Variants in KDM4C observed in about 807,000 individuals in gnomAD.
The protein encoded by KDM4C is lysine demethylase 4C.
Under a neutral mutation model 129.3 loss-of-function variants are expected in KDM4C, and 81 were observed. The observed-to-expected ratio is 0.63, with a 90% CI of 0.52 to 0.75. The LOEUF is 0.75. Among genes scored for constraint, KDM4C ranks in the 30% least tolerant of loss-of-function variants. The pLI is 0.00. For synonymous variants in KDM4C, 573 were observed against 456.1 expected (o/e 1.26, Z -3.26); for missense variants, 1,457 against 1,304.0 (o/e 1.12, Z -1.81).
At chr9:6,857,800 A>T (rs1248925463) in intron 5 of KDM4C, among the ~76,000 whole-genome samples, 1 of 146,724 alleles carries the variant, frequency 6.8e-6, no homozygotes, top group African/African-American at 2.5e-5. Context: ...TGTTGCTCAG[A>T]TTGGAGTGCA....
intron 1 of KDM4C, chr9:6,726,923 T>C (rs895383454): frequency 6.6e-6 from 1 of 151,962 alleles, no homozygotes; most frequent in African/African-American, 2.4e-5. Flanking sequence ...TTAGTAGAGA[T>C]AGGATTTCGC....
chr9:6,949,306 A>G (rs1827645759), intron 8 of KDM4C, among the ~76,000 whole-genome samples: 1 of 146,202 alleles, frequency 6.8e-6, no homozygotes, highest in South Asian at 2.2e-4. Flanking sequence ...CCGGGCAGAG[A>G]CGCTCCTCAT....
intron 17 of KDM4C, among the ~76,000 whole-genome samples, chr9:7,096,197 A>G (rs113067450): frequency 0.019 from 2,965 of 152,356 alleles, 102 homozygotes; most frequent in African/African-American, 0.066. Flanking sequence ...TTCAACATAC[A>G]TAACAATTGC....
intron 18 of KDM4C, among the ~76,000 whole-genome samples, chr9:7,106,479 G>A (rs1837699611): frequency 6.6e-6 from 1 of 152,174 alleles, no homozygotes. Flanking sequence ...GAGGATGCCT[G>A]TATGATTTAG....
chr9:7,033,975 A>T (rs1827209448), intron 15 of KDM4C, among the ~76,000 whole-genome samples: 1 of 152,002 alleles, frequency 6.6e-6, no homozygotes, highest in Non-Finnish European at 1.5e-5. Context: ...AGTGGCAAAA[A>T]TTAATTCAGT....
intron 21 of KDM4C, chr9:7,170,761 T>C: frequency 1.0e-6 from 1 of 983,816 alleles, no homozygotes; most frequent in East Asian, 1.1e-4. Flanking sequence ...TTGTCTGCAG[T>C]GATAGAGTCA....
intron 1 of KDM4C, among the ~76,000 whole-genome samples, chr9:6,722,564 A>C (rs892981812): frequency 6.7e-6 from 1 of 150,302 alleles, no homozygotes; most frequent in Non-Finnish European, 1.5e-5. Flanking sequence ...CCCAGGCTGG[A>C]GTGCAATGGC....
chr9:6,921,844 C>G (rs1342625900), intron 8 of KDM4C, among the ~76,000 whole-genome samples: 4 of 152,084 alleles, frequency 2.6e-5, no homozygotes, highest in Non-Finnish European at 5.9e-5. Context: ...CCACTCTGTA[C>G]CAACACAGTA....
At chr9:6,757,790 T>C, upstream of KDM4C, 1 of 985,548 alleles carries the variant, frequency 1.0e-6, no homozygotes, top group Non-Finnish European at 1.2e-6. Context: ...CCGGAAAGAA[T>C]GGGATATGCC....
chr9:6,768,451 C>G (rs2130570099), intron 1 of KDM4C, among the ~76,000 whole-genome samples: 1 of 151,862 alleles, frequency 6.6e-6, no homozygotes, highest in South Asian at 2.1e-4. Flanking sequence ...TCTTCATGCT[C>G]CCTCACTCCT....
intron 8 of KDM4C, among the ~76,000 whole-genome samples, chr9:6,969,783 G>A (rs1831634164): frequency 6.6e-6 from 1 of 152,172 alleles, no homozygotes; most frequent in African/African-American, 2.4e-5. Flanking sequence ...TATATACTTA[G>A]AGATTAATAT....
intron 1 of KDM4C, among the ~76,000 whole-genome samples, chr9:6,771,898 T>C (rs1821920518): frequency 6.6e-6 from 1 of 152,144 alleles, no homozygotes; most frequent in Non-Finnish European, 1.5e-5. Flanking sequence ...GGTTGTGACC[T>C]ACCTGGGAGA....
intron 8 of KDM4C, among the ~76,000 whole-genome samples, chr9:6,922,306 C>T (rs577327462): frequency 1.1e-4 from 17 of 152,240 alleles, no homozygotes; most frequent in Non-Finnish European, 2.1e-4. Context: ...TTATGCAGGG[C>T]ATGTGCATAG....
intron 1 of KDM4C, among the ~76,000 whole-genome samples, chr9:6,791,321 C>T (rs777585376): frequency 7.2e-5 from 11 of 152,228 alleles, no homozygotes; most frequent in African/African-American, 1.2e-4. Flanking sequence ...CCGTGTTGCC[C>T]GGGGTGGTCT....
At chr9:6,944,249 G>A (rs1409358172) in intron 8 of KDM4C, among the ~76,000 whole-genome samples, 1 of 152,162 alleles carries the variant, frequency 6.6e-6, no homozygotes, top group African/African-American at 2.4e-5. Context: ...GATTCAGAAG[G>A]CCTAGGCAGT....
At position 7,165,248 on chromosome 9, in the gene KDM4C, G is replaced by A. The variant is rs777827556; in HGVS notation, c.2792G>A (p.Cys931Tyr). The A allele has an allele frequency of 5.0e-6, 8 of 1,614,052 alleles. No homozygotes were observed. The highest frequency in any genetic ancestry group is 2.7e-5 in the African/African-American group (2 of 74,924). ...CTGTTTATTCTGCAGAGCCGAGACTGTCTGAAGCTGGGCCCACCTGCTGAG... is the reference window on the plus strand; with the variant it reads ...CTGTTTATTCTGCAGAGCCGAGACTATCTGAAGCTGGGCCCACCTGCTGAG... ...TFPEDIVSRD[C>Y]LKLGPPAEGE... Residue 931 changes from cysteine (C) to tyrosine (Y), a missense_variant, in exon 20 of 22, where the codon TGT (cysteine) becomes TAT (tyrosine). Cys to Tyr is a radical substitution (Grantham distance 194). Coordinates refer to ENST00000381309, the MANE Select transcript of KDM4C (RefSeq NM_015061.6).
At chr9:7,150,253 C>T (rs1842610980) in intron 19 of KDM4C, among the ~76,000 whole-genome samples, 2 of 152,226 alleles carry the variant, frequency 1.3e-5, no homozygotes, top group African/African-American at 4.8e-5. Flanking sequence ...TTGCTCTCAC[C>T]ACAACTTGTC....
intron 6 of KDM4C, among the ~76,000 whole-genome samples, chr9:6,882,785 TG>T (rs1844658355): frequency 4.6e-5 from 7 of 151,676 alleles, no homozygotes; most frequent in African/African-American, 1.5e-4. Flanking sequence ...TGTGTGTGTG[TG>T]TGTGTGTGTG....
rs139771996 is a variant in KDM4C, at chr9:6,759,053, C to A, written c.-18+850C>A. On this transcript the variant is annotated intron_variant, in intron 1 of 21. Transcript: ENST00000381309. Reference sequence around the variant, plus strand: ...TGGCTCTGATTGTGGGCAATACTACCGGGAGGGGTTTTGTCAGGTTCCTTC... The same window carrying A: ...TGGCTCTGATTGTGGGCAATACTACAGGGAGGGGTTTTGTCAGGTTCCTTC... Among the ~76,000 whole-genome samples the A allele has an allele frequency of 9.5e-4, 144 of 152,252 alleles. 1 individual carries two copies. Among genetic ancestry groups the A allele is most frequent in the Admixed American group, 1.8e-3 (27 of 15,288 alleles).
Sources: gnomAD v4.1 joint callset for allele counts (sites outside exome capture counted in the v4.1 genomes callset) on GRCh38, gnomAD v4.1.1 for gene constraint, MANE v1.5 for transcripts, NCBI Gene and HGNC (gene_info 2026-07-23, HGNC 2026-07-21) for gene names.